The following MME variants were observed in gnomAD, a reference collection of about 807,000 sequenced individuals.
The protein encoded by MME is neprilysin.
MME carries 98 observed loss-of-function variants against 113.2 expected under a neutral mutation model. The ratio of observed to expected loss-of-function variants is 0.87; its 90% confidence interval spans 0.74 to 1.02. MME has a LOEUF of 1.02. Ranked by LOEUF, MME falls within the 50% of genes least tolerant of loss-of-function variation. The pLI, the probability that MME is intolerant of heterozygous loss-of-function variation, is 0.00. For synonymous variants in MME, 292 were observed against 300.6 expected, an observed-to-expected ratio of 0.97 and a Z score of 0.30; for missense variants, 836 against 896.0, an observed-to-expected ratio of 0.93 and a Z score of 0.86.
chr3:155,084,301 T>C lies in MME; in HGVS notation c.134T>C (p.Met45Thr), dbSNP rs757010716. 19 of 1,614,076 alleles carry C rather than the reference T, an allele frequency of 1.2e-5. No homozygotes were observed. The highest frequency in any genetic ancestry group is 1.6e-5 in the Non-Finnish European group (19 of 1,180,044). ...VLLLTIIAVT[M>T]IALYATYDDG... ...CTCCTCACCATCATAGCTGTGACAA[T>C]GATCGCACTCTATGCAACCTACGAT... Residue 45 changes from methionine to threonine, a missense_variant, in exon 2 of 23, where the codon ATG becomes ACG. Coordinates refer to ENST00000360490, the MANE Select transcript of MME (RefSeq NM_007289.4).
At chr3:155,167,125 T>A in intron 18 of MME, 104 bp downstream of exon 18, 3 of 1,412,262 alleles carry the variant, frequency 2.1e-6, no homozygotes, top group Non-Finnish European at 3.0e-6. Context: ...TTCAAACATG[T>A]ATCATTTCTC....
intron 16 of MME, among the ~76,000 whole-genome samples, chr3:155,155,830 G>C (rs2108341411): frequency 6.6e-6 from 1 of 152,328 alleles, no homozygotes; most frequent in African/African-American, 2.4e-5. Flanking sequence ...AGCATACCAA[G>C]TGTGTATGCA....
chr3:155,168,358 C>G, intron 18 of MME, 134 bp from the exon 19 acceptor site: 1 of 812,288 alleles, frequency 1.2e-6, no homozygotes, highest in Non-Finnish European at 2.1e-6. Context: ...GGAGGGATGA[C>G]AGTCTCTCTC....
intron 4 of MME, 149 bp from the exon 5 acceptor site, chr3:155,116,330 G>A: frequency 1.5e-6 from 1 of 656,754 alleles, no homozygotes; most frequent in Non-Finnish European, 2.8e-6. Context: ...TGGAACTGGG[G>A]GGAGGAAATG....
chr3:155,147,064 T>C (rs1312704954), intron 14 of MME, 80 bp from the exon 15 acceptor site: 1 of 884,032 alleles, frequency 1.1e-6, no homozygotes, highest in Non-Finnish European at 1.9e-6. Flanking sequence ...AGTTATTCAA[T>C]TGCTAGTCAT....
chr3:155,112,914 C>G (rs1718303234), intron 3 of MME: 2 of 152,130 alleles, frequency 1.3e-5, no homozygotes, highest in South Asian at 4.1e-4. Flanking sequence ...GTTAGGTAGA[C>G]AGAGTAGGTA....
chr3:155,042,925 T>C lies in MME; in HGVS notation c.-11+18601T>C, dbSNP rs192689046. ...TTATATATATATATATATATATATA[T>C]ATATATATATATATGTATATATATA... is the stretch of plus-strand genomic sequence containing the variant. On this transcript the variant is annotated intron_variant, in intron 1 of 22. Coordinates refer to the MME transcript ENST00000492661. Among the ~76,000 whole-genome samples the C allele has an allele frequency of 2.0e-4, 13 of 63,928 alleles. No individual in the cohort carries two copies. In the East Asian group the frequency reaches 3.3e-3, roughly 16 times the overall value. The allele number at this position is 63,928 out of a possible 152,430, so 41.9% of individuals were successfully genotyped here. A position where few individuals can be genotyped will look rare whatever the true frequency, so the allele number is the denominator to read the frequency against.
chr3:155,106,809 G>A (rs1358193116), intron 3 of MME, among the ~76,000 whole-genome samples: 2 of 152,162 alleles, frequency 1.3e-5, no homozygotes, highest in Non-Finnish European at 2.9e-5. Flanking sequence ...ACAACAGAAG[G>A]TTCGGTCAGA....
intron 4 of MME, 43 bp downstream of exon 4, chr3:155,115,198 A>C: frequency 6.2e-7 from 1 of 1,602,558 alleles, no homozygotes; most frequent in Middle Eastern, 1.7e-4. Flanking sequence ...TTCTCTCTTA[A>C]TATGTTCATT....
In MME at chr3:155,042,928, A is replaced by G. The variant is rs1214879127; in HGVS notation, c.-11+18604A>G. ...TATATATATATATATATATATATATATATATATATATGTATATATATATAT... is the reference window on the plus strand; with the variant it reads ...TATATATATATATATATATATATATGTATATATATATGTATATATATATAT... On this transcript the variant is annotated intron_variant, in intron 1 of 22. Transcript: ENST00000492661. 4.3e-3 allele frequency among the ~76,000 whole-genome samples: 293 copies of G among 67,366 alleles called. 1 individual carries two copies. The highest frequency in any genetic ancestry group is 0.019 in the African/African-American group (244 of 12,764). 44.2% of individuals were successfully genotyped at this position (67,366 alleles called of 152,430 possible).
intron 1 of MME, among the ~76,000 whole-genome samples, chr3:155,038,529 T>A (rs1217313523): frequency 6.6e-6 from 1 of 152,166 alleles, no homozygotes; most frequent in Admixed American, 6.6e-5. Flanking sequence ...TCTATCCTTA[T>A]TGAGCAACTA....
chr3:155,055,466 G>A (rs542311389), intron 1 of MME, among the ~76,000 whole-genome samples: 30 of 152,076 alleles, frequency 2.0e-4, no homozygotes, highest in African/African-American at 6.7e-4. Context: ...GCATAGTGGC[G>A]TGTGCCTGTA....
chr3:155,171,547 C>T (rs533317464), intron 20 of MME, among the ~76,000 whole-genome samples: 85 of 152,240 alleles, frequency 5.6e-4, no homozygotes, highest in African/African-American at 1.9e-3. Context: ...TAAATATTTT[C>T]CTTCAAATGT....
chr3:155,040,918 T>C (rs889815341), intron 1 of MME, among the ~76,000 whole-genome samples: 2 of 152,198 alleles, frequency 1.3e-5, no homozygotes, highest in Non-Finnish European at 2.9e-5. Context: ...TTTTAATTTG[T>C]GGCTCAAACC....
At chr3:155,093,659 C>T (rs909803884) in intron 3 of MME, among the ~76,000 whole-genome samples, 1 of 151,948 alleles carries the variant, frequency 6.6e-6, no homozygotes, top group African/African-American at 2.4e-5. Flanking sequence ...AGTTCAAGAC[C>T]AGCCTGGCCA....
intron 1 of MME, among the ~76,000 whole-genome samples, chr3:155,030,129 CA>C (rs1379380802): frequency 6.6e-6 from 1 of 151,546 alleles, no homozygotes; most frequent in African/African-American, 2.4e-5. Context: ...TTTGTTCAGA[CA>C]AAAAAGGGAA....
chr3:155,121,441 T>G (rs1220416309), intron 8 of MME, among the ~76,000 whole-genome samples: 1 of 150,454 alleles, frequency 6.6e-6, no homozygotes, highest in Non-Finnish European at 1.5e-5. Flanking sequence ...TGGCCAGAAC[T>G]TCCAACACTA....
intron 1 of MME, chr3:155,081,030 C>G (rs1490593066): frequency 6.6e-6 from 1 of 152,200 alleles, no homozygotes; most frequent in Non-Finnish European, 1.5e-5. Flanking sequence ...GTATTTCAGG[C>G]TGGGAAACAC....
At chr3:155,179,255 C>A (rs1712843830) in intron 22 of MME, among the ~76,000 whole-genome samples, 1 of 151,990 alleles carries the variant, frequency 6.6e-6, no homozygotes, top group Non-Finnish European at 1.5e-5. Context: ...TAAGGAGGAA[C>A]AGGAAGAGAA....
Sources: allele counts gnomAD v4.1 joint callset (sites outside exome capture counted in the v4.1 genomes callset), GRCh38; gene constraint gnomAD v4.1.1; transcripts MANE v1.5; gene names NCBI Gene and HGNC (gene_info 2026-07-23, HGNC 2026-07-21).